The following STAT5B variants were observed in gnomAD, a reference collection of about 807,000 sequenced individuals.
STAT5B encodes transcription factor STAT5B.
A neutral mutation model predicts 107.8 loss-of-function variants in STAT5B; 21 were observed. The observed-to-expected ratio is 0.19, with a 90% CI of 0.14 to 0.28. The LOEUF (loss-of-function observed/expected upper bound fraction) is 0.28, where lower values mean the gene tolerates loss of function less well. Ranked by LOEUF, STAT5B falls within the 10% of genes least tolerant of loss-of-function variation. The pLI, the probability that STAT5B is intolerant of heterozygous loss-of-function variation, is 1.00. For missense variants in STAT5B, 565 were observed against 1,008.2 expected, an observed-to-expected ratio of 0.56 and a Z score of 5.95; for synonymous variants, 325 against 401.7, an observed-to-expected ratio of 0.81 and a Z score of 2.28.
At chr17:42,204,535 A>G (rs938081488) in intron 16 of STAT5B, among the ~76,000 whole-genome samples, 3 of 152,202 alleles carry the variant, frequency 2.0e-5, no homozygotes, top group African/African-American at 7.2e-5. Flanking sequence ...TTTTCATAAC[A>G]TGTTTTTTGT....
intron 1 of STAT5B, among the ~76,000 whole-genome samples, chr17:42,244,913 T>C (rs1273141047): frequency 6.6e-6 from 1 of 152,064 alleles, no homozygotes; most frequent in African/African-American, 2.4e-5. Context: ...TATTTATTTA[T>C]TTTTTTGAGA....
rs369374713 is a variant in STAT5B at position 42,253,136 on chromosome 17, CTTTT to C, written c.-10-21003_-10-21000del. ...TCTTTCTTTCTTTCTTTCTTTCTTT[CTTTT>C]TTTCATCTCTGTGAGTTCTTCAACT... is the stretch of plus-strand genomic sequence containing the variant. On this transcript the variant is annotated intron_variant, in intron 1 of 18. Transcript: ENST00000293328. Among the ~76,000 whole-genome samples, 163 of 143,216 alleles carry C rather than the reference CTTTT, an allele frequency of 1.1e-3. 1 individual carries two copies. Among genetic ancestry groups the C allele is most frequent in the African/African-American group, 3.9e-3 (151 of 38,598 alleles). 94.0% of individuals were successfully genotyped at this position (143,216 alleles called of 152,430 possible).
chr17:42,230,213 A>G (rs2080306463), intron 2 of STAT5B, among the ~76,000 whole-genome samples: 1 of 151,904 alleles, frequency 6.6e-6, no homozygotes. Flanking sequence ...TTCTTTGGTG[A>G]TCTTTAGTTT....
intron 1 of STAT5B, among the ~76,000 whole-genome samples, chr17:42,262,744 G>A (rs2080610638): frequency 9.2e-6 from 1 of 108,848 alleles, no homozygotes; most frequent in African/African-American, 3.3e-5. Context: ...AGCAGAGTGT[G>A]TATATATATG....
chr17:42,244,087 CTTTTCT>C (rs1016176444), intron 1 of STAT5B, among the ~76,000 whole-genome samples: 6 of 139,654 alleles, frequency 4.3e-5, no homozygotes, highest in African/African-American at 1.1e-4. Flanking sequence ...TCTTTCTTTT[CTTTTCT>C]TTTTTTTTTT....
At chr17:42,251,634 C>T (rs1246939947) in intron 1 of STAT5B, among the ~76,000 whole-genome samples, 2 of 152,136 alleles carry the variant, frequency 1.3e-5, no homozygotes, top group Non-Finnish European at 2.9e-5. Context: ...TTACCTGATG[C>T]TACTGTGCAT....
the STAT5B span, among the ~76,000 whole-genome samples, chr17:42,282,353 T>G: frequency 6.6e-6 from 1 of 152,026 alleles, no homozygotes; most frequent in Non-Finnish European, 1.5e-5. Context: ...AGACAGAGTC[T>G]CGCTCTGTCA....
intron 5 of STAT5B, among the ~76,000 whole-genome samples, chr17:42,220,793 A>G (rs530981245): frequency 6.6e-6 from 1 of 152,252 alleles, no homozygotes; most frequent in African/African-American, 2.4e-5. Flanking sequence ...ACCTTTTAAA[A>G]ATTATTATGA....
At chr17:42,287,531 G>C in the STAT5B span, 1 of 152,558 alleles carries the variant, frequency 6.6e-6, no homozygotes, top group Non-Finnish European at 1.5e-5. Flanking sequence ...CTCTTGGAGA[G>C]GGGGACTGAG....
At chr17:42,202,595 GGC>G in intron 17 of STAT5B, 148 bp from the exon 18 acceptor site, 1 of 1,431,420 alleles carries the variant, frequency 7.0e-7, no homozygotes, top group Non-Finnish European at 9.8e-7. Flanking sequence ...ACAGGAGTGG[GGC>G]CTCAGGTACT....
At chr17:42,263,414 C>CA (rs1282255609) in intron 1 of STAT5B, among the ~76,000 whole-genome samples, 2 of 151,964 alleles carry the variant, frequency 1.3e-5, no homozygotes. Flanking sequence ...ACACTGATAA[C>CA]AAAAAACAAA....
Position 42,216,157 on chromosome 17 carries a change from C to G in STAT5B, c.1381-51G>C, listed in dbSNP as rs373469324. The G allele has an allele frequency of 2.7e-6, 4 of 1,483,618 alleles. No homozygotes were observed. In the Admixed American group the frequency reaches 8.2e-5, roughly 30 times the overall value. 91.9% of individuals were successfully genotyped at this position (1,483,618 alleles called of 1,614,324 possible). A position where few individuals can be genotyped will look rare whatever the true frequency, so the allele number is the denominator to read the frequency against. On this transcript the variant is annotated intron_variant, in intron 11 of 18. Transcript: ENST00000293328. The stretch of plus-strand genomic sequence containing the variant: ...GCGCCCACGAGCCTCAAGTTCTTCT[C>G]CTTCTCTCTTTTTTTTTTTTCTTAT...
chr17:42,209,657 A>G (rs763719623), intron 15 of STAT5B, among the ~76,000 whole-genome samples: 5 of 152,192 alleles, frequency 3.3e-5, no homozygotes, highest in Non-Finnish European at 7.3e-5. Context: ...GCAGTGAGCC[A>G]TGTTTGTGCC....
chr17:42,205,931 A>C (rs1012258573), intron 16 of STAT5B, among the ~76,000 whole-genome samples: 5 of 152,056 alleles, frequency 3.3e-5, no homozygotes, highest in African/African-American at 4.8e-5. Context: ...AACAAAAAAA[A>C]CAAACATGTC....
intron 1 of STAT5B, among the ~76,000 whole-genome samples, chr17:42,250,556 A>G (rs1371082851): frequency 6.6e-6 from 1 of 152,204 alleles, no homozygotes; most frequent in Non-Finnish European, 1.5e-5. Flanking sequence ...TAATAACAGT[A>G]GTAGTAATAA....
chr17:42,211,006 T>C (rs576293552), intron 13 of STAT5B, among the ~76,000 whole-genome samples: 1 of 145,708 alleles, frequency 6.9e-6, no homozygotes, highest in Admixed American at 6.8e-5. Context: ...TTTGAGACCA[T>C]CCTGGCCAAC....
In STAT5B at chr17:42,224,884, A is replaced by C. The variant is rs759663290; in HGVS notation, c.286-16T>G. 3.1e-6 allele frequency: 5 copies of C among 1,613,080 alleles called. No individual in the cohort carries two copies. The African/African-American group carries it at 6.7e-5, about 22-fold the overall frequency. ...CATACGTGTTCTGAAAGAATCCAAC[A>C]GCAGACATCACTTTGTGCCACTCCA... On this transcript the variant is annotated splice_polypyrimidine_tract_variant and intron_variant, in intron 3 of 18. Coordinates refer to ENST00000293328, the MANE Select transcript of STAT5B (RefSeq NM_012448.4).
intron 1 of STAT5B, among the ~76,000 whole-genome samples, chr17:42,245,021 C>A (rs2080438902): frequency 6.6e-6 from 1 of 151,408 alleles, no homozygotes; most frequent in African/African-American, 2.4e-5. Flanking sequence ...CTTGTCTCAG[C>A]CTCCTGAGCA....
At chr17:42,203,706 A>G (rs2080064263) in intron 16 of STAT5B, among the ~76,000 whole-genome samples, 1 of 152,022 alleles carries the variant, frequency 6.6e-6, no homozygotes, top group Non-Finnish European at 1.5e-5. Context: ...AGCTCACTGC[A>G]ACCTCTGCCT....
Sources: gnomAD v4.1 joint callset for allele counts (sites outside exome capture counted in the v4.1 genomes callset) on GRCh38, gnomAD v4.1.1 for gene constraint, MANE v1.5 for transcripts, NCBI Gene and HGNC (gene_info 2026-07-23, HGNC 2026-07-21) for gene names.